The following GLIS3 variants were observed in gnomAD, a reference collection of about 807,000 sequenced individuals.
GLIS3 encodes GLIS family zinc finger 3, also known as zinc finger protein GLIS3.
A neutral mutation model predicts 78.6 loss-of-function variants in GLIS3; 53 were observed. The observed-to-expected ratio is 0.67, with a 90% CI of 0.54 to 0.85. The LOEUF is 0.85. Among genes scored for constraint, GLIS3 ranks in the 40% least tolerant of loss-of-function variants. GLIS3 has a pLI of 0.00. For synonymous variants in GLIS3, 684 were observed against 509.9 expected, an observed-to-expected ratio of 1.34 and a Z score of -4.60; for missense variants, 1,703 against 1,231.1, an observed-to-expected ratio of 1.38 and a Z score of -5.74.
intron 4 of GLIS3, among the ~76,000 whole-genome samples, chr9:4,070,506 TTG>T (rs139606508): frequency 6.6e-6 from 1 of 151,248 alleles, no homozygotes; most frequent in African/African-American, 2.4e-5. Context: ...GCGTAAGTAT[TTG>T]TGTGTGTGTG....
the GLIS3 span, among the ~76,000 whole-genome samples, chr9:4,392,126 C>T: frequency 6.6e-6 from 1 of 152,000 alleles, no homozygotes; most frequent in Non-Finnish European, 1.5e-5. Flanking sequence ...AAGCAATTAG[C>T]TTCAGCAAAC....
chr9:4,384,548 A>AAT, the GLIS3 span, among the ~76,000 whole-genome samples: 1 of 149,270 alleles, frequency 6.7e-6, no homozygotes, highest in East Asian at 2.0e-4. Context: ...TCCTTTATAT[A>AAT]ATATATATAA....
In GLIS3 at chr9:4,172,533, A is replaced by G. The variant is rs1043068626; in HGVS notation, c.389-46592T>C. ...TATAGGGTATTTGGCACTTTCAGAAATACTAACTATAGACAGTTATCTGGA... is the reference window on the plus strand; with the variant it reads ...TATAGGGTATTTGGCACTTTCAGAAGTACTAACTATAGACAGTTATCTGGA... On this transcript the variant is annotated intron_variant, in intron 2 of 10. Transcript: ENST00000381971. 2.6e-5 allele frequency among the ~76,000 whole-genome samples: 4 copies of G among 152,204 alleles called. No homozygotes were observed. In the East Asian group the frequency reaches 5.8e-4, roughly 22 times the overall value.
intron 8 of GLIS3, among the ~76,000 whole-genome samples, chr9:3,863,654 T>A (rs1446910087): frequency 1.3e-5 from 2 of 152,240 alleles, no homozygotes; most frequent in African/African-American, 4.8e-5. Flanking sequence ...AAGTTGGCTG[T>A]AGGTGAAACG....
intron 4 of GLIS3, among the ~76,000 whole-genome samples, chr9:3,996,317 AG>A (rs1355652961): frequency 6.6e-6 from 1 of 152,228 alleles, no homozygotes; most frequent in African/African-American, 2.4e-5. Context: ...AACAGAGACC[AG>A]AGAAAACAGA....
intron 4 of GLIS3, among the ~76,000 whole-genome samples, chr9:4,020,764 G>C (rs1031683963): frequency 6.6e-6 from 1 of 152,192 alleles, no homozygotes; most frequent in Non-Finnish European, 1.5e-5. Context: ...TTAGTGTCGA[G>C]CTGCAAGAAC....
At chr9:3,934,295 G>C (rs1246570871) in intron 5 of GLIS3, among the ~76,000 whole-genome samples, 1 of 152,154 alleles carries the variant, frequency 6.6e-6, no homozygotes, top group African/African-American at 2.4e-5. Context: ...TTGAGCATTA[G>C]AGGAGATGTT....
chr9:4,020,536 T>A (rs12340261), intron 4 of GLIS3, among the ~76,000 whole-genome samples: 1 of 152,174 alleles, frequency 6.6e-6, no homozygotes, highest in Non-Finnish European at 1.5e-5. Context: ...TTTCATCCTT[T>A]CAACCAGTTA....
At chr9:4,102,460 G>C (rs1369401925) in intron 4 of GLIS3, among the ~76,000 whole-genome samples, 1 of 152,152 alleles carries the variant, frequency 6.6e-6, no homozygotes, top group Non-Finnish European at 1.5e-5. Flanking sequence ...TTCTCAACCA[G>C]GGGCAGTTTT....
At position 3,977,460 on chromosome 9, in the gene GLIS3, C is replaced by G. The variant is rs763510948; in HGVS notation, c.1711-40271G>C. On this transcript the variant is annotated intron_variant, in intron 4 of 10. Coordinates refer to ENST00000381971, the MANE Select transcript of GLIS3 (RefSeq NM_001042413.2). The surrounding 1 kb of genome is among the most constrained non-coding windows in gnomAD (Gnocchi z 4.1). ...ATTAAAAAGACTAATGAGAGCTGCT[C>G]GGTAAGAAAAGAAAAGATTTATTGA... Among the ~76,000 whole-genome samples the G allele has an allele frequency of 6.6e-6, 1 of 152,078 alleles. No homozygotes were observed. Among genetic ancestry groups the G allele is most frequent in the Non-Finnish European group, 1.5e-5 (1 of 68,022 alleles).
chr9:4,173,561 TACACACACACACACACACACACAC>T (rs34572625), intron 2 of GLIS3, among the ~76,000 whole-genome samples: 1 of 146,424 alleles, frequency 6.8e-6, no homozygotes, highest in South Asian at 2.2e-4. Context: ...TGTGTATAGA[TACACACACACACACACACACACAC>T]ACACACACAC....
chr9:4,000,208 T>G (rs968903893), intron 4 of GLIS3, among the ~76,000 whole-genome samples: 2 of 152,228 alleles, frequency 1.3e-5, no homozygotes, highest in Non-Finnish European at 1.5e-5. Context: ...AAAACAATGC[T>G]GAGTGATGAA....
At chr9:4,284,241 T>C (rs1026555387) in intron 2 of GLIS3, among the ~76,000 whole-genome samples, 26 of 152,190 alleles carry the variant, frequency 1.7e-4, no homozygotes, top group African/African-American at 6.0e-4. Flanking sequence ...GACTACGTAT[T>C]GGAAAGCACT....
chr9:4,272,996 C>T (rs1826655657), intron 2 of GLIS3, among the ~76,000 whole-genome samples: 1 of 152,172 alleles, frequency 6.6e-6, no homozygotes, highest in Non-Finnish European at 1.5e-5. Flanking sequence ...CTTTATTTCA[C>T]CTCAGTGCAT....
At chr9:3,847,748 T>A (rs1819149262) in intron 9 of GLIS3, among the ~76,000 whole-genome samples, 1 of 152,238 alleles carries the variant, frequency 6.6e-6, no homozygotes, top group East Asian at 1.9e-4. Flanking sequence ...TTAACTTTTG[T>A]TTTTTAGAAT....
chr9:3,841,068 GA>G (rs764970376), intron 9 of GLIS3, among the ~76,000 whole-genome samples: 4 of 152,034 alleles, frequency 2.6e-5, no homozygotes, highest in Admixed American at 6.6e-5. Flanking sequence ...AAATAGGGGG[GA>G]AAAAACCGAG....
At chr9:3,885,778 A>C (rs1287621195) in intron 7 of GLIS3, among the ~76,000 whole-genome samples, 1 of 152,228 alleles carries the variant, frequency 6.6e-6, no homozygotes, top group Non-Finnish European at 1.5e-5. Flanking sequence ...AGAAATTCTG[A>C]TTCCCTCAGC....
chr9:4,207,268 C>T (rs1819967269), intron 2 of GLIS3, among the ~76,000 whole-genome samples: 1 of 152,184 alleles, frequency 6.6e-6, no homozygotes, highest in South Asian at 2.1e-4. Flanking sequence ...GTGGACTCTG[C>T]CAGCCCCACT....
At chr9:4,417,182 A>G in the GLIS3 span, among the ~76,000 whole-genome samples, 1 of 152,286 alleles carries the variant, frequency 6.6e-6, no homozygotes, top group Non-Finnish European at 1.5e-5. Flanking sequence ...GGTATCGATT[A>G]TTTATATAGT....
Sources: allele counts gnomAD v4.1 joint callset (sites outside exome capture counted in the v4.1 genomes callset), GRCh38; gene constraint gnomAD v4.1.1; non-coding constraint Gnocchi (gnomAD v3.1); transcripts MANE v1.5; gene names NCBI Gene and HGNC (gene_info 2026-07-23, HGNC 2026-07-21).